Variants in AGBL4 observed in about 807,000 individuals in gnomAD.
AGBL4 encodes the protein cytosolic carboxypeptidase 6.
AGBL4 carries 58 observed loss-of-function variants against 66.4 expected under a neutral mutation model. The observed-to-expected ratio is 0.87, with a 90% CI of 0.71 to 1.09. The LOEUF is 1.09. Ranked by LOEUF, AGBL4 falls within the 50% of genes least tolerant of loss-of-function variation. The pLI is 0.00. For missense variants in AGBL4, 579 were observed against 631.0 expected (o/e 0.92, Z 0.88); for synonymous variants, 234 against 222.9 (o/e 1.05, Z -0.44).
intron 3 of AGBL4, among the ~76,000 whole-genome samples, chr1:49,500,940 G>C (rs1029793394): frequency 1.4e-4 from 21 of 152,114 alleles, no homozygotes; most frequent in African/African-American, 5.1e-4. Flanking sequence ...GATGAAAGGT[G>C]CACTGAATTT....
chr1:49,881,020 G>T (rs915213598), intron 1 of AGBL4, among the ~76,000 whole-genome samples: 1 of 152,166 alleles, frequency 6.6e-6, no homozygotes, highest in South Asian at 2.1e-4. Context: ...GCTTAGGCTC[G>T]CGCACAGTGC....
chr1:49,912,938 C>T (rs986445734), intron 1 of AGBL4, among the ~76,000 whole-genome samples: 1 of 152,196 alleles, frequency 6.6e-6, no homozygotes, highest in African/African-American at 2.4e-5. Flanking sequence ...GAGGACAGAA[C>T]TTTCATGACT....
intron 3 of AGBL4, among the ~76,000 whole-genome samples, chr1:49,502,421 TG>T (rs1648252578): frequency 6.6e-6 from 1 of 151,972 alleles, no homozygotes. Context: ...CTACCAGAAG[TG>T]GGGTGCTGCT....
chr1:49,719,721 T>G (rs1340610521), intron 2 of AGBL4, among the ~76,000 whole-genome samples: 1 of 152,138 alleles, frequency 6.6e-6, no homozygotes, highest in African/African-American at 2.4e-5. Flanking sequence ...TGAATTGTAG[T>G]TCCTATAATT....
chr1:49,588,250 T>A (rs1485525187), intron 3 of AGBL4, among the ~76,000 whole-genome samples: 2 of 152,194 alleles, frequency 1.3e-5, no homozygotes, highest in Admixed American at 1.3e-4. Flanking sequence ...TAATGCTTTG[T>A]GCCCACACTG....
chr1:49,431,420 G>A (rs187268018), intron 3 of AGBL4, among the ~76,000 whole-genome samples: 130 of 152,218 alleles, frequency 8.5e-4, no homozygotes, highest in Non-Finnish European at 1.5e-3. Flanking sequence ...ATCTAGATGT[G>A]TCACACTCTT....
intron 3 of AGBL4, among the ~76,000 whole-genome samples, chr1:49,285,205 G>C (rs1352475197): frequency 6.6e-6 from 1 of 152,126 alleles, no homozygotes; most frequent in Non-Finnish European, 1.5e-5. Context: ...TAGCACTCAG[G>C]ATTAAGAATC....
chr1:48,649,746 T>C (rs1441198830), intron 8 of AGBL4, among the ~76,000 whole-genome samples: 1 of 152,210 alleles, frequency 6.6e-6, no homozygotes, highest in Non-Finnish European at 1.5e-5. Flanking sequence ...CCAGCCTTCC[T>C]AGATTGGATT....
At chr1:49,250,199 A>G (rs2148335648) in intron 3 of AGBL4, among the ~76,000 whole-genome samples, 1 of 152,330 alleles carries the variant, frequency 6.6e-6, no homozygotes, top group East Asian at 1.9e-4. Context: ...TATATATTTC[A>G]AAATAGGTAG....
chr1:49,362,810 T>C (rs993419181), intron 3 of AGBL4, among the ~76,000 whole-genome samples: 2 of 152,204 alleles, frequency 1.3e-5, no homozygotes, highest in African/African-American at 2.4e-5. Context: ...GGTGTCTCAA[T>C]TGCATATGGG....
At chr1:49,307,133 C>A (rs190234181) in intron 3 of AGBL4, among the ~76,000 whole-genome samples, 6 of 152,254 alleles carry the variant, frequency 3.9e-5, no homozygotes, top group Admixed American at 2.0e-4. Flanking sequence ...TTGAACACTG[C>A]AATCTTATAA....
At chr1:49,130,376 G>A (rs1243461658) in intron 4 of AGBL4, among the ~76,000 whole-genome samples, 1 of 152,202 alleles carries the variant, frequency 6.6e-6, no homozygotes, top group African/African-American at 2.4e-5. Context: ...TTTTAGACAT[G>A]AAGTCCTTGC....
At chr1:49,695,814 G>A (rs1056766990) in intron 3 of AGBL4, among the ~76,000 whole-genome samples, 1 of 151,984 alleles carries the variant, frequency 6.6e-6, no homozygotes, top group Non-Finnish European at 1.5e-5. Context: ...ACTCAGTCTT[G>A]TGTCCATGGT....
At chr1:49,656,514 G>A (rs912644800) in intron 3 of AGBL4, among the ~76,000 whole-genome samples, 1 of 152,152 alleles carries the variant, frequency 6.6e-6, no homozygotes, top group Non-Finnish European at 1.5e-5. Flanking sequence ...TATGAGGCCA[G>A]CATCATCCTG....
At chr1:49,396,083 A>G (rs751257388) in intron 3 of AGBL4, among the ~76,000 whole-genome samples, 2 of 151,398 alleles carry the variant, frequency 1.3e-5, no homozygotes, top group Non-Finnish European at 2.9e-5. Flanking sequence ...CATCAGAGTT[A>G]CTTTTTGAGG....
chr1:48,906,614 G>A (rs1296250543), intron 5 of AGBL4, among the ~76,000 whole-genome samples: 1 of 152,114 alleles, frequency 6.6e-6, no homozygotes, highest in Non-Finnish European at 1.5e-5. Context: ...TTGGGGGCCT[G>A]GAAAACAGAG....
Position 48,668,280 on chromosome 1 carries a change from C to T in AGBL4, c.635-5039G>A, listed in dbSNP as rs866208020. On this transcript the variant is annotated intron_variant, in intron 6 of 13. Transcript: ENST00000371839. ...ACTGGAACAGCCCTGGCACTGGTCTCCCTGTGCCAGCACCACCCTTTCCAG... is the reference window on the plus strand; with the variant it reads ...ACTGGAACAGCCCTGGCACTGGTCTTCCTGTGCCAGCACCACCCTTTCCAG... Among the ~76,000 whole-genome samples the T allele has an allele frequency of 9.8e-5, 15 of 152,290 alleles. No individual in the cohort carries two copies. The South Asian group carries it at 1.2e-3, about 13-fold the overall frequency.
At chr1:49,772,922 A>T (rs1189842508) in intron 2 of AGBL4, among the ~76,000 whole-genome samples, 2 of 152,242 alleles carry the variant, frequency 1.3e-5, no homozygotes. Flanking sequence ...ATTTTGTTAA[A>T]TAGGTCTTCT....
intron 4 of AGBL4, among the ~76,000 whole-genome samples, chr1:49,123,824 C>A (rs1033327341): frequency 2.0e-5 from 3 of 152,152 alleles, no homozygotes; most frequent in Admixed American, 6.5e-5. Context: ...GCCTTGGTTG[C>A]TAGGAAACTC....
Sources: gnomAD v4.1 joint callset for allele counts (sites outside exome capture counted in the v4.1 genomes callset) on GRCh38, gnomAD v4.1.1 for gene constraint, MANE v1.5 for transcripts, NCBI Gene and HGNC (gene_info 2026-07-23, HGNC 2026-07-21) for gene names.